EYS: variants seen among roughly 807,000 people sequenced by gnomAD.
The protein encoded by EYS is EGF-like photoreceptor maintenance factor, also known as protein eyes shut homolog.
EYS carries 250 observed loss-of-function variants against 282.1 expected under a neutral mutation model. The ratio of observed to expected loss-of-function variants is 0.89; its 90% confidence interval spans 0.80 to 0.98. The LOEUF is 0.98. EYS is among the 50% of genes least tolerant of loss of function. The pLI, the probability that EYS is intolerant of heterozygous loss-of-function variation, is 0.00. For synonymous variants in EYS, 1,355 were observed against 1,282.9 expected (o/e 1.06, Z -1.20); for missense variants, 4,016 against 3,709.0 (o/e 1.08, Z -2.15).
At chr6:65,499,459 T>A (rs1227225181) in intron 2 of EYS, among the ~76,000 whole-genome samples, 2 of 152,036 alleles carry the variant, frequency 1.3e-5, no homozygotes, top group African/African-American at 4.8e-5. Flanking sequence ...TGTAGTTGAT[T>A]CTACATACCT....
chr6:64,711,991 G>T (rs2149935175), intron 22 of EYS, among the ~76,000 whole-genome samples: 1 of 152,296 alleles, frequency 6.6e-6, no homozygotes, highest in Non-Finnish European at 1.5e-5. Flanking sequence ...GTGAAGGGTG[G>T]GGATTGATAA....
chr6:65,572,783 T>C (rs577346622), intron 2 of EYS, among the ~76,000 whole-genome samples: 1 of 152,274 alleles, frequency 6.6e-6, no homozygotes, highest in South Asian at 2.1e-4. Flanking sequence ...CATTAATATA[T>C]TTATATATGT....
intron 26 of EYS, among the ~76,000 whole-genome samples, chr6:64,448,881 G>A (rs1242573686): frequency 9.9e-5 from 15 of 152,148 alleles, no homozygotes; most frequent in Admixed American, 9.8e-4. Flanking sequence ...AAGACCAGAG[G>A]TAGATAAAAC....
At chr6:63,894,343 G>T (rs1180576382) in intron 35 of EYS, among the ~76,000 whole-genome samples, 1 of 152,084 alleles carries the variant, frequency 6.6e-6, no homozygotes, top group Non-Finnish European at 1.5e-5. Context: ...GGGAACTTCA[G>T]ACAGACAGAC....
chr6:64,653,102 A>AT (rs5876912), intron 22 of EYS, among the ~76,000 whole-genome samples: 97,136 of 151,822 alleles, frequency 0.64, 31,304 homozygotes, highest in African/African-American at 0.71. Context: ...GGTATCCCTA[A>AT]TTAAAATCAG....
intron 1 of EYS, among the ~76,000 whole-genome samples, chr6:65,653,704 C>G (rs1767729705): frequency 6.6e-6 from 1 of 151,894 alleles, no homozygotes. Flanking sequence ...CACTGTATCT[C>G]AAGGACAGGC....
intron 12 of EYS, among the ~76,000 whole-genome samples, chr6:65,093,174 C>A (rs1389397874): frequency 2.0e-5 from 3 of 151,994 alleles, no homozygotes; most frequent in Non-Finnish European, 4.4e-5. Context: ...AAAACACCTA[C>A]CATGAATATT....
rs1479077274 is a variant in EYS, at chr6:64,886,042, A to AC, written c.2992+654_2992+655insG. Among the ~76,000 whole-genome samples the AC allele has an allele frequency of 8.6e-5, 13 of 150,640 alleles. No individual in the cohort carries two copies. The South Asian group carries it at 2.5e-3, about 29-fold the overall frequency. ...AATCTCTGTGGGAATTGTCTGAAAAAATACATATGAAACAAAATAACACAA... is the reference window on the plus strand; with the variant it reads ...AATCTCTGTGGGAATTGTCTGAAAAACATACATATGAAACAAAATAACACAA... On this transcript the variant is annotated intron_variant, in intron 19 of 42. Coordinates refer to ENST00000503581, the MANE Select transcript of EYS (RefSeq NM_001142800.2).
rs200164885 is a variant in EYS at position 64,886,766 on chromosome 6, A to T, written c.2923T>A (p.Cys975Ser). The change falls in exon 19 of 43, where the codon TGT becomes AGT. Residue 975 changes from cysteine to serine, a missense_variant. Coordinates refer to ENST00000503581, the MANE Select transcript of EYS (RefSeq NM_001142800.2). ...LDVNKCKISP[C>S]LDEENCVYRT... ...TAGACACAATTTTCTTCATCTAGAC[A>T]AGGTGAGATTTTACATTTATTTACA... 1.9e-6 allele frequency: 3 copies of T among 1,547,150 alleles called. No individual in the cohort carries two copies. Among genetic ancestry groups the T allele is most frequent in the Non-Finnish European group, 2.6e-6 (3 of 1,144,154 alleles).
chr6:65,679,256 G>T (rs768182435), intron 1 of EYS, among the ~76,000 whole-genome samples: 21 of 151,788 alleles, frequency 1.4e-4, no homozygotes, highest in Non-Finnish European at 2.7e-4. Flanking sequence ...AAACATAAAT[G>T]TCCACTGACA....
intron 22 of EYS, among the ~76,000 whole-genome samples, chr6:64,668,702 C>T (rs1454873692): frequency 1.3e-5 from 2 of 151,454 alleles, no homozygotes; most frequent in African/African-American, 4.8e-5. Flanking sequence ...GTAGCTGGGA[C>T]TACAGGTACC....
intron 41 of EYS, among the ~76,000 whole-genome samples, chr6:63,732,340 T>C (rs553593666): frequency 1.3e-5 from 2 of 152,236 alleles, no homozygotes; most frequent in South Asian, 2.1e-4. Flanking sequence ...TATTATTTGA[T>C]TAAGTATTCA....
chr6:64,118,927 C>T (rs938148005), intron 31 of EYS, among the ~76,000 whole-genome samples: 1 of 151,944 alleles, frequency 6.6e-6, no homozygotes, highest in Admixed American at 6.6e-5. Flanking sequence ...ATAGGAATAG[C>T]CAACATGTAT....
At chr6:65,459,968 T>TTA (rs34762215) in intron 5 of EYS, among the ~76,000 whole-genome samples, 5,307 of 80,140 alleles carry the variant, frequency 0.066, 134 homozygotes, top group Non-Finnish European at 0.089. Flanking sequence ...TTTGTGTATT[T>TTA]TATATATATA....
chr6:64,036,549 TAA>T (rs1770131013), intron 33 of EYS, among the ~76,000 whole-genome samples: 1 of 152,136 alleles, frequency 6.6e-6, no homozygotes, highest in Admixed American at 6.5e-5. Context: ...AGTGTTTAAG[TAA>T]GGAGACCATT....
At position 64,902,148 on chromosome 6, in the gene EYS, G is replaced by C; in HGVS notation, c.2811C>G (p.Cys937Trp). The C allele has an allele frequency of 6.5e-7, 1 of 1,548,392 alleles. No homozygotes were observed. The highest frequency in any genetic ancestry group is 8.7e-7 in the Non-Finnish European group (1 of 1,145,854). The change falls in exon 18 of 43, where the codon TGC (cysteine) becomes TGG (tryptophan). Residue 937 changes from cysteine (C) to tryptophan (W), a missense_variant. Cys to Trp is a radical substitution (Grantham distance 215, BLOSUM62 -2). Coordinates refer to ENST00000503581, the MANE Select transcript of EYS (RefSeq NM_001142800.2). ...GATCCACACATGTTCCATTATTTTT[G>C]CAAGGTTCAGAGGAACATTCATTAA... is the stretch of plus-strand genomic sequence containing the variant. Reference protein sequence around the residue: ...IEINECSSEPCKNNGTCVDLT... With the variant: ...IEINECSSEPWKNNGTCVDLT...
chr6:64,625,664 G>T (rs1348584513), intron 23 of EYS, among the ~76,000 whole-genome samples: 7 of 152,102 alleles, frequency 4.6e-5, no homozygotes, highest in Non-Finnish European at 1.0e-4. Context: ...TGAATTTCAG[G>T]GAGACACAAA....
intron 30 of EYS, among the ~76,000 whole-genome samples, chr6:64,290,799 T>G (rs114745592): frequency 0.023 from 3,519 of 151,664 alleles, 134 homozygotes; most frequent in African/African-American, 0.081. Context: ...TAGGTCTATG[T>G]TCTACGTTCT....
chr6:64,062,522 T>C (rs1771211302), intron 33 of EYS, among the ~76,000 whole-genome samples: 1 of 151,722 alleles, frequency 6.6e-6, no homozygotes, highest in African/African-American at 2.4e-5. Flanking sequence ...CAAAACCCCC[T>C]CTCTACTAAA....
Sources: gnomAD v4.1 joint callset for allele counts (sites outside exome capture counted in the v4.1 genomes callset) on GRCh38, gnomAD v4.1.1 for gene constraint, MANE v1.5 for transcripts, NCBI Gene and HGNC (gene_info 2026-07-23, HGNC 2026-07-21) for gene names.